CCSER1: variants seen among roughly 807,000 people sequenced by gnomAD.
The protein encoded by CCSER1 is coiled-coil serine rich protein 1.
A neutral mutation model predicts 82.0 loss-of-function variants in CCSER1; 41 were observed. The ratio of observed to expected loss-of-function variants is 0.50; its 90% CI spans 0.39 to 0.65. The LOEUF is 0.65. Among genes scored for constraint, CCSER1 ranks in the 30% least tolerant of loss-of-function variants. The pLI, the probability that CCSER1 is intolerant of heterozygous loss-of-function variation, is 0.00. For missense variants in CCSER1, 1,119 were observed against 1,064.2 expected, an observed-to-expected ratio of 1.05 and a Z score of -0.72; for synonymous variants, 414 against 383.9, an observed-to-expected ratio of 1.08 and a Z score of -0.92.
intron 8 of CCSER1, among the ~76,000 whole-genome samples, chr4:90,882,557 G>A (rs910439624): frequency 2.0e-5 from 3 of 151,942 alleles, no homozygotes; most frequent in African/African-American, 4.8e-5. Context: ...GTGTGAAAAT[G>A]CTTTTAAAAC....
chr4:90,965,486 A>G (rs72665462), intron 9 of CCSER1, among the ~76,000 whole-genome samples: 14,512 of 152,224 alleles, frequency 0.095, 880 homozygotes, highest in Admixed American at 0.17. Context: ...CATGCCCCCA[A>G]TACATACACA....
At chr4:90,702,968 C>T (rs1004346203) in intron 6 of CCSER1, among the ~76,000 whole-genome samples, 1 of 152,144 alleles carries the variant, frequency 6.6e-6, no homozygotes, top group African/African-American at 2.4e-5. Flanking sequence ...ATGCCTCTAT[C>T]GCCTTCAGTT....
intron 10 of CCSER1, among the ~76,000 whole-genome samples, chr4:91,107,852 A>G (rs1254239549): frequency 6.6e-6 from 1 of 152,134 alleles, no homozygotes; most frequent in Non-Finnish European, 1.5e-5. Flanking sequence ...GTGCTGGGCT[A>G]CCATTTCCAT....
chr4:91,035,026 G>A (rs955682499), intron 9 of CCSER1, among the ~76,000 whole-genome samples: 2 of 152,046 alleles, frequency 1.3e-5, no homozygotes, highest in African/African-American at 4.8e-5. Context: ...TTCAAAAAGG[G>A]TTTTTTAAAT....
At chr4:91,315,345 AC>A (rs1267346443) in intron 10 of CCSER1, among the ~76,000 whole-genome samples, 1 of 151,782 alleles carries the variant, frequency 6.6e-6, no homozygotes, top group Non-Finnish European at 1.5e-5. Context: ...AAAGCAGTAC[AC>A]CTCCTTGTAA....
chr4:91,023,592 C>G (rs985066153), intron 9 of CCSER1, among the ~76,000 whole-genome samples: 1 of 152,138 alleles, frequency 6.6e-6, no homozygotes, highest in African/African-American at 2.4e-5. Context: ...GCTGGGAAAA[C>G]TGGCTAGTCA....
intron 9 of CCSER1, among the ~76,000 whole-genome samples, chr4:91,072,411 CA>C (rs200281181): frequency 0.014 from 2,205 of 152,126 alleles, 29 homozygotes; most frequent in Non-Finnish European, 0.019. Context: ...CAGTTATTTT[CA>C]AATCTAAATG....
At chr4:91,136,021 G>T (rs573024903) in intron 10 of CCSER1, among the ~76,000 whole-genome samples, 4 of 152,008 alleles carry the variant, frequency 2.6e-5, no homozygotes, top group Non-Finnish European at 4.4e-5. Context: ...ATTTATTGAC[G>T]TACAAAAGTA....
chr4:91,208,764 T>C (rs571868084), intron 10 of CCSER1, among the ~76,000 whole-genome samples: 2 of 152,014 alleles, frequency 1.3e-5, no homozygotes, highest in East Asian at 3.9e-4. Flanking sequence ...AGAATGGTAG[T>C]TTGATAGGCA....
At chr4:90,263,939 C>G (rs1351720698) in intron 1 of CCSER1, among the ~76,000 whole-genome samples, 1 of 152,214 alleles carries the variant, frequency 6.6e-6, no homozygotes, top group Non-Finnish European at 1.5e-5. Flanking sequence ...GGGGCCATGA[C>G]TTGTCCCCAT....
chr4:91,545,413 G>A (rs1761838247), intron 10 of CCSER1, among the ~76,000 whole-genome samples: 1 of 152,078 alleles, frequency 6.6e-6, no homozygotes, highest in African/African-American at 2.4e-5. Flanking sequence ...GCTTACACTG[G>A]GAGCTGTAGA....
At chr4:90,703,874 T>C (rs1428864320) in intron 6 of CCSER1, among the ~76,000 whole-genome samples, 4 of 152,184 alleles carry the variant, frequency 2.6e-5, no homozygotes, top group African/African-American at 7.2e-5. Flanking sequence ...TGTCTCTGCA[T>C]GTGAGATGGG....
intron 8 of CCSER1, among the ~76,000 whole-genome samples, chr4:90,863,018 C>A (rs553173560): frequency 2.7e-5 from 4 of 149,860 alleles, no homozygotes; most frequent in Admixed American, 2.0e-4. Flanking sequence ...ATACATGTGC[C>A]ATGCTGGTGT....
chr4:90,589,154 G>T (rs977691620), intron 5 of CCSER1, among the ~76,000 whole-genome samples: 4 of 152,078 alleles, frequency 2.6e-5, no homozygotes, highest in Non-Finnish European at 5.9e-5. Flanking sequence ...GTCAAAGGGA[G>T]AAATTATTCA....
chr4:90,417,287 G>A (rs146843622), intron 4 of CCSER1, among the ~76,000 whole-genome samples: 24 of 151,904 alleles, frequency 1.6e-4, no homozygotes, highest in Middle Eastern at 6.8e-3. Context: ...TTAGTCAAAT[G>A]TCCAAATTGC....
chr4:90,152,093 T>C (rs1726973295), intron 1 of CCSER1, among the ~76,000 whole-genome samples: 2 of 152,182 alleles, frequency 1.3e-5, no homozygotes, highest in Admixed American at 1.3e-4. Context: ...CAAATCAAAG[T>C]ATCTTAAACA....
At position 90,797,871 on chromosome 4, in the gene CCSER1, G is replaced by T. The variant is rs146275681; in HGVS notation, c.2011-17891G>T. 4.6e-4 allele frequency among the ~76,000 whole-genome samples: 70 copies of T among 152,334 alleles called. 1 individual carries two copies. The East Asian group carries it at 0.011, about 25-fold the overall frequency. On this transcript the variant is annotated intron_variant, in intron 7 of 10. Coordinates refer to ENST00000509176, the MANE Select transcript of CCSER1 (RefSeq NM_001145065.2). ...TAGCCTGATGGGCTTCCCTTTGTAG[G>T]TGACTTGGCCTTTCTCTCTAGCTCC...
At chr4:90,325,739 A>G in intron 3 of CCSER1, 1 of 374,022 alleles carries the variant, frequency 2.7e-6, no homozygotes, top group Non-Finnish European at 5.6e-6. Flanking sequence ...GACAATGAAG[A>G]CGATTTATTT....
chr4:91,379,714 A>T (rs1323523601), intron 10 of CCSER1, among the ~76,000 whole-genome samples: 3 of 152,150 alleles, frequency 2.0e-5, no homozygotes, highest in African/African-American at 2.4e-5. Context: ...GGATTCATTG[A>T]TTTCTTGAAG....
Sources: gnomAD v4.1 joint callset for allele counts (sites outside exome capture counted in the v4.1 genomes callset) on GRCh38, gnomAD v4.1.1 for gene constraint, MANE v1.5 for transcripts, NCBI Gene and HGNC (gene_info 2026-07-23, HGNC 2026-07-21) for gene names.